Variants in MAGI1 observed in about 807,000 individuals in gnomAD.
MAGI1 encodes the protein membrane-associated guanylate kinase, WW and PDZ domain-containing protein 1.
In MAGI1, 58 loss-of-function variants were observed where a neutral mutation model predicts 139.9. The ratio of observed to expected loss-of-function variants is 0.41; its 90% CI spans 0.34 to 0.52. The LOEUF (loss-of-function observed/expected upper bound fraction) is 0.52. Ranked by LOEUF, MAGI1 falls within the 20% of genes least tolerant of loss-of-function variation. MAGI1 has a pLI of 0.12. For missense variants in MAGI1, 1,874 were observed against 1,901.6 expected, an observed-to-expected ratio of 0.99 and a Z score of 0.27; for synonymous variants, 812 against 737.9, an observed-to-expected ratio of 1.10 and a Z score of -1.63.
intron 1 of MAGI1, among the ~76,000 whole-genome samples, chr3:65,933,321 C>T (rs2062889638): frequency 1.3e-5 from 2 of 152,192 alleles, no homozygotes; most frequent in Non-Finnish European, 2.9e-5. Flanking sequence ...CAGGGCTGCA[C>T]TCATCTGAAG....
chr3:65,456,972 A>G (rs573908053), intron 5 of MAGI1, among the ~76,000 whole-genome samples: 53 of 152,208 alleles, frequency 3.5e-4, no homozygotes, highest in African/African-American at 1.1e-3. Flanking sequence ...ATTTGATATC[A>G]AGCAGACTAA....
intron 18 of MAGI1, chr3:65,365,176 C>A: frequency 1.4e-6 from 1 of 716,620 alleles, no homozygotes; most frequent in East Asian, 2.7e-5. Flanking sequence ...CAGACATCTC[C>A]ACAAATAAAA....
intron 1 of MAGI1, among the ~76,000 whole-genome samples, chr3:65,987,251 T>G (rs879868060): frequency 8.5e-5 from 13 of 152,162 alleles, no homozygotes; most frequent in African/African-American, 1.2e-4. Context: ...AGGGAAGAGC[T>G]TGAACTCTGC....
chr3:65,446,611 T>C (rs147199189), intron 7 of MAGI1, among the ~76,000 whole-genome samples: 327 of 152,332 alleles, frequency 2.1e-3, no homozygotes, highest in African/African-American at 7.6e-3. Context: ...GTCACACCTA[T>C]TACTTAGGTA....
At chr3:65,443,184 G>A (rs1374057808) in intron 7 of MAGI1, among the ~76,000 whole-genome samples, 17 of 152,026 alleles carry the variant, frequency 1.1e-4, no homozygotes, top group Admixed American at 1.1e-3. Context: ...AATGTTTACG[G>A]TTTTCTCATT....
At chr3:65,637,488 A>T (rs767231646) in intron 1 of MAGI1, among the ~76,000 whole-genome samples, 3 of 151,736 alleles carry the variant, frequency 2.0e-5, no homozygotes, top group African/African-American at 4.8e-5. Flanking sequence ...TGGGAAATCA[A>T]GGCTGCAGTG....
chr3:65,555,982 A>G (rs2080067382), intron 2 of MAGI1, among the ~76,000 whole-genome samples: 1 of 152,190 alleles, frequency 6.6e-6, no homozygotes, highest in African/African-American at 2.4e-5. Context: ...GGACTCTCAA[A>G]TGTTATAATT....
At chr3:66,007,477 C>T (rs2067086691) in intron 1 of MAGI1, among the ~76,000 whole-genome samples, 1 of 152,204 alleles carries the variant, frequency 6.6e-6, no homozygotes, top group Non-Finnish European at 1.5e-5. Flanking sequence ...CACAGCATGT[C>T]ACCAACACAG....
intron 8 of MAGI1, among the ~76,000 whole-genome samples, chr3:65,440,813 GTA>G (rs1948241746): frequency 6.8e-6 from 1 of 146,100 alleles, no homozygotes; most frequent in Admixed American, 7.0e-5. Context: ...GTATACATAT[GTA>G]TATGTGTACA....
intron 1 of MAGI1, among the ~76,000 whole-genome samples, chr3:66,033,935 C>A (rs994035448): frequency 6.6e-6 from 1 of 152,114 alleles, no homozygotes; most frequent in Non-Finnish European, 1.5e-5. Context: ...AAGAGGCTCA[C>A]CCACTTATTT....
At chr3:65,885,110 G>A (rs1369115852) in intron 1 of MAGI1, among the ~76,000 whole-genome samples, 1 of 152,014 alleles carries the variant, frequency 6.6e-6, no homozygotes, top group Non-Finnish European at 1.5e-5. Flanking sequence ...ATGAAAAAAC[G>A]TTTTCAGGTC....
rs117119888 is a variant in MAGI1 at position 65,638,972 on chromosome 3, A to C, written c.314-16884T>G. Among the ~76,000 whole-genome samples, 554 of 151,830 alleles carry C rather than the reference A, an allele frequency of 3.6e-3. 5 individuals carry two copies. The highest frequency in any genetic ancestry group is 0.018 in the Middle Eastern group (5 of 276). On this transcript the variant is annotated intron_variant, in intron 1 of 22. Transcript: ENST00000402939. ...CTATGTTGCCCAGGCTGGTCTCAAA[A>C]TCCTGAGCTCAAGCGATTCTCCCGC...
intron 13 of MAGI1, 71 bp downstream of exon 13, chr3:65,401,368 A>G: frequency 7.6e-7 from 1 of 1,323,564 alleles, no homozygotes; most frequent in Non-Finnish European, 1.1e-6. Flanking sequence ...CACACAGAGT[A>G]CCCTCCCACC....
chr3:66,007,831 G>C (rs2067108990), intron 1 of MAGI1, among the ~76,000 whole-genome samples: 1 of 151,906 alleles, frequency 6.6e-6, no homozygotes, highest in Admixed American at 6.6e-5. Context: ...ATACTAAATT[G>C]GAGGAGGGAA....
chr3:65,407,487 C>T (rs370128012), intron 12 of MAGI1, among the ~76,000 whole-genome samples: 3 of 150,012 alleles, frequency 2.0e-5, no homozygotes, highest in Admixed American at 6.7e-5. Flanking sequence ...CTTCCAAGAG[C>T]GGAGGACTGA....
intron 2 of MAGI1, among the ~76,000 whole-genome samples, chr3:65,505,829 T>C (rs1443587321): frequency 6.6e-6 from 1 of 152,036 alleles, no homozygotes; most frequent in Non-Finnish European, 1.5e-5. Flanking sequence ...TGTGTATCAA[T>C]AAAGTTGTTA....
At chr3:65,461,487 CT>C (rs537543064) in intron 5 of MAGI1, among the ~76,000 whole-genome samples, 1,997 of 101,932 alleles carry the variant, frequency 0.02, 60 homozygotes, top group African/African-American at 0.068. Flanking sequence ...TGTTTCTTGA[CT>C]TTTTTTTTTT....
intron 2 of MAGI1, among the ~76,000 whole-genome samples, chr3:65,569,929 T>C (rs1437609102): frequency 6.6e-6 from 1 of 151,436 alleles, no homozygotes; most frequent in Non-Finnish European, 1.5e-5. Context: ...TTTACTGAAA[T>C]ACTTGAATTA....
intron 1 of MAGI1, among the ~76,000 whole-genome samples, chr3:65,695,707 T>C (rs1449508926): frequency 6.6e-6 from 1 of 152,186 alleles, no homozygotes; most frequent in Non-Finnish European, 1.5e-5. Context: ...CCATTTGATA[T>C]TTGAATTGTT....
Sources: allele counts gnomAD v4.1 joint callset (sites outside exome capture counted in the v4.1 genomes callset), GRCh38; gene constraint gnomAD v4.1.1; transcripts MANE v1.5; gene names NCBI Gene and HGNC (gene_info 2026-07-23, HGNC 2026-07-21).